Variants in FER observed in about 807,000 individuals in gnomAD.
The protein encoded by FER is FER tyrosine kinase, also known as tyrosine-protein kinase Fer.
Under a neutral mutation model 111.0 loss-of-function variants are expected in FER, and 63 were observed. That is an observed-to-expected ratio of 0.57 (90% CI 0.46 to 0.70). The LOEUF (loss-of-function observed/expected upper bound fraction) is 0.70, where lower values mean the gene tolerates loss of function less well. Ranked by LOEUF, FER falls within the 30% of genes least tolerant of loss-of-function variation. The pLI is 0.00. For synonymous variants in FER, 327 were observed against 313.9 expected (o/e 1.04, Z -0.44); for missense variants, 914 against 954.0 (o/e 0.96, Z 0.55).
Position 108,819,641 on chromosome 5 carries a change from G to A in FER, c.208-13129G>A, listed in dbSNP as rs190671446. On this transcript the variant is annotated intron_variant, in intron 3 of 19. Coordinates refer to ENST00000281092, the MANE Select transcript of FER (RefSeq NM_005246.4). ...CCCCAGTATGTAAAAGAGGCAGAGA[G>A]CGTCTCTCTCATTTAGATAAGCAAA... 2.1e-3 allele frequency among the ~76,000 whole-genome samples: 318 copies of A among 152,304 alleles called. 3 individuals are homozygous for A. The highest frequency in any genetic ancestry group is 7.1e-3 in the African/African-American group (294 of 41,572).
intron 2 of FER, among the ~76,000 whole-genome samples, chr5:108,791,314 T>G (rs1755345172): frequency 8.4e-6 from 1 of 118,858 alleles, no homozygotes; most frequent in African/African-American, 3.4e-5. Flanking sequence ...ATGTCTGTCT[T>G]TTTTGATTAG....
chr5:109,073,060 C>G, intron 16 of FER, among the ~76,000 whole-genome samples: 1 of 152,066 alleles, frequency 6.6e-6, no homozygotes, highest in East Asian at 1.9e-4. Flanking sequence ...CTAATATGAT[C>G]ACATAATGAG....
At chr5:109,018,538 C>T (rs1011997776) in intron 13 of FER, among the ~76,000 whole-genome samples, 1 of 151,688 alleles carries the variant, frequency 6.6e-6, no homozygotes, top group Non-Finnish European at 1.5e-5. Flanking sequence ...AAAGACTTGT[C>T]CCACAATAGT....
At chr5:108,890,492 C>A (rs1173187558) in intron 9 of FER, among the ~76,000 whole-genome samples, 1 of 151,980 alleles carries the variant, frequency 6.6e-6, no homozygotes. Context: ...GCTGACAATC[C>A]TTGACATTTC....
At chr5:108,879,553 TTA>T (rs1765427956) in intron 8 of FER, among the ~76,000 whole-genome samples, 1 of 151,806 alleles carries the variant, frequency 6.6e-6, no homozygotes, top group Admixed American at 6.6e-5. Flanking sequence ...CTTACATTTG[TTA>T]TGTCATCTAT....
intron 2 of FER, chr5:108,785,436 G>C (rs1192935580): frequency 1.7e-6 from 1 of 580,780 alleles, no homozygotes; most frequent in Non-Finnish European, 3.4e-6. Context: ...ATTAGTACTG[G>C]CAGCAAGGCA....
chr5:109,177,095 A>G (rs529471327), intron 17 of FER, among the ~76,000 whole-genome samples: 3 of 150,726 alleles, frequency 2.0e-5, no homozygotes, highest in Non-Finnish European at 4.5e-5. Context: ...GTATCAGTGT[A>G]TAAGTGATAT....
At chr5:108,982,291 C>T (rs1193322987) in intron 13 of FER, among the ~76,000 whole-genome samples, 1 of 152,028 alleles carries the variant, frequency 6.6e-6, no homozygotes, top group Admixed American at 6.6e-5. Context: ...ATTGTTATGA[C>T]CTTATCTTTG....
intron 10 of FER, among the ~76,000 whole-genome samples, chr5:108,902,868 A>C (rs1432176727): frequency 6.6e-6 from 1 of 152,016 alleles, no homozygotes; most frequent in Non-Finnish European, 1.5e-5. Context: ...AAAATTTTCT[A>C]ATCTCCAAGT....
intron 10 of FER, among the ~76,000 whole-genome samples, chr5:108,928,132 G>T (rs941788141): frequency 6.6e-6 from 1 of 152,190 alleles, no homozygotes; most frequent in Non-Finnish European, 1.5e-5. Flanking sequence ...GCTGTAGTTT[G>T]TTCGTTCCTT....
chr5:109,007,483 AC>A (rs1364622573), intron 13 of FER, among the ~76,000 whole-genome samples: 6 of 152,142 alleles, frequency 3.9e-5, no homozygotes, highest in Non-Finnish European at 8.8e-5. Context: ...CCAGCTACTT[AC>A]CCTTTGGAAA....
At chr5:109,107,329 TCTTTTAA>T (rs969643750) in intron 17 of FER, among the ~76,000 whole-genome samples, 3 of 152,188 alleles carry the variant, frequency 2.0e-5, no homozygotes. Flanking sequence ...TAGGAGTTTT[TCTTTTAA>T]CTTTTATTTT....
At chr5:109,084,744 A>G (rs553277914) in intron 16 of FER, among the ~76,000 whole-genome samples, 4 of 152,026 alleles carry the variant, frequency 2.6e-5, no homozygotes, top group Admixed American at 1.3e-4. Context: ...CTTTAGATCT[A>G]TAAATCATTT....
intron 13 of FER, among the ~76,000 whole-genome samples, chr5:109,017,942 CA>C (rs1767402436): frequency 6.6e-6 from 1 of 151,880 alleles, no homozygotes; most frequent in Non-Finnish European, 1.5e-5. Flanking sequence ...TCTATAGTAA[CA>C]AACCCTTTGT....
At chr5:108,872,849 G>A (rs964371697) in intron 8 of FER, among the ~76,000 whole-genome samples, 1 of 152,086 alleles carries the variant, frequency 6.6e-6, no homozygotes, top group Non-Finnish European at 1.5e-5. Context: ...TTGTGTGGGA[G>A]CAACACAAGG....
rs1381659201 is a variant in FER at position 109,067,259 on chromosome 5, T to TGTTGTA, written c.1924+20065_1924+20066insTAGTTG. Among the ~76,000 whole-genome samples, 61 of 148,166 alleles carry TGTTGTA rather than the reference T, an allele frequency of 4.1e-4. 1 individual carries two copies. Among genetic ancestry groups the TGTTGTA allele is most frequent in the Non-Finnish European group, 7.4e-4 (50 of 67,886 alleles). ...TTGTTGTTGTTGTTGTTGTTGTTGT[T>TGTTGTA]GTTGCTGTTGCTGCTGCTGCTGCTG... On this transcript the variant is annotated intron_variant, in intron 16 of 19. Transcript: ENST00000281092.
At chr5:108,785,503 C>A in intron 2 of FER, 1 of 565,754 alleles carries the variant, frequency 1.8e-6, no homozygotes. Context: ...TGTTTGCTGG[C>A]TACACAGACA....
intron 5 of FER, among the ~76,000 whole-genome samples, chr5:108,863,206 G>A (rs1020862186): frequency 3.9e-5 from 6 of 151,924 alleles, no homozygotes; most frequent in East Asian, 1.9e-4. Context: ...TGCAACCTCC[G>A]CCTCCTGGGT....
intron 2 of FER, among the ~76,000 whole-genome samples, chr5:108,780,431 A>G (rs1753933931): frequency 6.6e-6 from 1 of 151,538 alleles, no homozygotes; most frequent in African/African-American, 2.4e-5. Context: ...TAAATAATTC[A>G]CTTCACTCCC....
Sources: gnomAD v4.1 joint callset for allele counts (sites outside exome capture counted in the v4.1 genomes callset) on GRCh38, gnomAD v4.1.1 for gene constraint, MANE v1.5 for transcripts, NCBI Gene and HGNC (gene_info 2026-07-23, HGNC 2026-07-21) for gene names.